ERMARD: variants seen among roughly 807,000 people sequenced by gnomAD.
The protein encoded by ERMARD is endoplasmic reticulum membrane-associated RNA degradation protein.
A neutral mutation model predicts 83.9 loss-of-function variants in ERMARD; 71 were observed. That is an observed-to-expected ratio of 0.85 (90% CI 0.70 to 1.03). The LOEUF is 1.03. ERMARD is among the 50% of genes least tolerant of loss of function. The pLI is 0.00. For missense variants in ERMARD, 838 were observed against 810.9 expected (o/e 1.03, Z -0.41); for synonymous variants, 284 against 298.6 (o/e 0.95, Z 0.50).
Position 169,776,058 on chromosome 6 carries a change from A to G in ERMARD, c.1513A>G (p.Thr505Ala), listed in dbSNP as rs113995515. The change falls in exon 15 of 18, where the codon ACT (threonine) becomes GCT (alanine). Residue 505 changes from threonine (T) to alanine (A), a missense_variant. Physicochemically the swap from Thr to Ala is moderately conservative, Grantham distance 58. Transcript: ENST00000366773. Reference sequence around the variant, plus strand: ...GTTAAAGGACTTGGATCGTCTTCCTACTGAGACGTAAGTTCCAGGACATCC... The same window carrying G: ...GTTAAAGGACTTGGATCGTCTTCCTGCTGAGACGTAAGTTCCAGGACATCC... ...CVLKDLDRLPTETWPQLLREL... is the reference protein window; with the variant it reads ...CVLKDLDRLPAETWPQLLREL... 2.6e-4 allele frequency: 424 copies of G among 1,613,572 alleles called. 2 individuals are homozygous for G. In the African/African-American group the frequency reaches 5.2e-3, roughly 20 times the overall value.
At chr6:169,769,149 A>G (rs928490234) in intron 11 of ERMARD, among the ~76,000 whole-genome samples, 51 of 152,370 alleles carry the variant, frequency 3.3e-4, no homozygotes, top group Middle Eastern at 3.4e-3. Context: ...TTTGTGTCGT[A>G]AGAAGCAACA....
At chr6:169,773,483 A>G in intron 13 of ERMARD, 81 bp downstream of exon 13, 2 of 1,412,096 alleles carry the variant, frequency 1.4e-6, no homozygotes, top group South Asian at 2.4e-5. Context: ...GGAAGGGTGC[A>G]GTTTGCTTGC....
intron 1 of ERMARD, 52 bp downstream of exon 1, chr6:169,751,715 G>C: frequency 2.6e-6 from 4 of 1,521,400 alleles, no homozygotes; most frequent in Non-Finnish European, 3.5e-6. Flanking sequence ...GGGAGTCGGC[G>C]CCAGGCTGGG....
intron 6 of ERMARD, among the ~76,000 whole-genome samples, chr6:169,759,307 C>T (rs952503570): frequency 1.3e-5 from 2 of 152,162 alleles, no homozygotes; most frequent in African/African-American, 2.4e-5. Context: ...ATGCCATTCA[C>T]GTCCTGGGTG....
chr6:169,775,836 C>T (rs1793522203), intron 14 of ERMARD, 104 bp from the exon 15 acceptor site: 2 of 1,370,188 alleles, frequency 1.5e-6, no homozygotes, highest in Non-Finnish European at 9.8e-7. Context: ...AAGTGAGATT[C>T]ACAGTCAGGT....
intron 17 of ERMARD, 79 bp from the exon 18 acceptor site, chr6:169,781,251 C>T: frequency 2.3e-6 from 3 of 1,309,612 alleles, no homozygotes; most frequent in South Asian, 1.5e-5. Flanking sequence ...GGAATAATTC[C>T]AAGAATGAAG....
At chr6:169,778,814 G>T (rs1413489490) in intron 16 of ERMARD, among the ~76,000 whole-genome samples, 2 of 152,248 alleles carry the variant, frequency 1.3e-5, no homozygotes, top group East Asian at 1.9e-4. Flanking sequence ...TTTCTCTGGT[G>T]AGAGTTCCTC....
chr6:169,781,054 C>T (rs185957939), intron 17 of ERMARD, among the ~76,000 whole-genome samples: 79 of 152,296 alleles, frequency 5.2e-4, no homozygotes, highest in African/African-American at 1.9e-3. Context: ...CCTGGAATGA[C>T]GGCCGTCATG....
chr6:169,761,047 T>C (rs548568344), intron 8 of ERMARD, among the ~76,000 whole-genome samples: 1 of 152,292 alleles, frequency 6.6e-6, no homozygotes, highest in South Asian at 2.1e-4. Flanking sequence ...TCATGAAACA[T>C]AGATAAGCCA....
chr6:169,769,674 A>G lies in ERMARD; in HGVS notation c.1194A>G (p.Leu398=). 6.2e-7 allele frequency: 1 copy of G among 1,610,538 alleles called. No homozygotes were observed. The highest frequency in any genetic ancestry group is 8.5e-7 in the Non-Finnish European group (1 of 1,178,510). ...TGCTTGCATTTTCTCTTGTACTGCTACTCAGATTCGTTGATGACTGTCTGC... is the reference window on the plus strand; with the variant it reads ...TGCTTGCATTTTCTCTTGTACTGCTGCTCAGATTCGTTGATGACTGTCTGC... The part of the protein sequence containing the change: ...NQLLAFSLVL[L]LRFVDDCLLS... Residue 398 remains leucine, a synonymous_variant, in exon 12 of 18, where the codon CTA becomes CTG. Transcript: ENST00000366773.
At chr6:169,758,891 C>A in intron 5 of ERMARD, 77 bp from the exon 6 acceptor site, 2 of 1,339,342 alleles carry the variant, frequency 1.5e-6, no homozygotes, top group African/African-American at 1.5e-5. Flanking sequence ...AAAAGAGGAA[C>A]ACAAATGTTA....
In ERMARD at chr6:169,775,353, G is replaced by A. The variant is rs1585415179; in HGVS notation, c.1394+7G>A. ...TCACTCGGCAAGCCGTCAGGTGCGTGGCATCCTGGGGCCTGGCTGACCTCA... is the reference window on the plus strand; with the variant it reads ...TCACTCGGCAAGCCGTCAGGTGCGTAGCATCCTGGGGCCTGGCTGACCTCA... On this transcript the variant is annotated splice_region_variant and intron_variant, in intron 14 of 17. Coordinates refer to ENST00000366773, the MANE Select transcript of ERMARD (RefSeq NM_018341.3). 1.2e-6 allele frequency: 2 copies of A among 1,613,964 alleles called. No individual in the cohort carries two copies. Among genetic ancestry groups the A allele is most frequent in the Non-Finnish European group, 1.7e-6 (2 of 1,179,882 alleles).
chr6:169,775,454 A>G (rs955864635), intron 14 of ERMARD, 108 bp downstream of exon 14: 9 of 1,257,210 alleles, frequency 7.2e-6, no homozygotes, highest in African/African-American at 3.0e-5. Context: ...GGGAAGGAGG[A>G]ATTTCTGGGC....
intron 9 of ERMARD, among the ~76,000 whole-genome samples, chr6:169,763,797 C>T (rs1031950928): frequency 6.6e-6 from 1 of 152,232 alleles, no homozygotes; most frequent in African/African-American, 2.4e-5. Flanking sequence ...TGAAACCCAA[C>T]ACATGGAAGT....
chr6:169,753,959 C>G lies in ERMARD; in HGVS notation c.102C>G (p.Ile34Met). 1.2e-6 allele frequency: 2 copies of G among 1,613,468 alleles called. No homozygotes were observed. The highest frequency in any genetic ancestry group is 1.7e-6 in the Non-Finnish European group (2 of 1,179,590). The change falls in exon 2 of 18, where the codon ATC (isoleucine) becomes ATG (methionine). Residue 34 changes from isoleucine to methionine, a missense_variant. By Grantham distance (10) the Ile-to-Met change is conservative. Coordinates refer to ENST00000366773, the MANE Select transcript of ERMARD (RefSeq NM_018341.3). ...LGFQLRENCD[I>M]NSIVTQNGEV... ...TTCAACTCAGAGAAAATTGTGATAT[C>G]AATAGCATTGTAACTCAGAATGGTG... is the stretch of plus-strand genomic sequence containing the variant.
intron 11 of ERMARD, among the ~76,000 whole-genome samples, chr6:169,768,449 T>C (rs977091750): frequency 3.9e-5 from 6 of 152,202 alleles, no homozygotes; most frequent in Admixed American, 2.6e-4. Context: ...CGGACATATA[T>C]TTGTGCCTTG....
chr6:169,754,885 C>T (rs192879366), intron 2 of ERMARD, among the ~76,000 whole-genome samples: 1 of 151,882 alleles, frequency 6.6e-6, no homozygotes, highest in African/African-American at 2.4e-5. Context: ...AGCCTAATAA[C>T]GTTAACGTAA....
At chr6:169,768,285 A>G in intron 11 of ERMARD, 114 bp downstream of exon 11, 1 of 899,194 alleles carries the variant, frequency 1.1e-6, no homozygotes, top group South Asian at 1.6e-5. Flanking sequence ...ATACTTCTGA[A>G]ACATTGCTGT....
chr6:169,766,508 T>C (rs1188629796), intron 9 of ERMARD, 130 bp from the exon 10 acceptor site: 2 of 622,700 alleles, frequency 3.2e-6, no homozygotes, highest in African/African-American at 1.9e-5. Flanking sequence ...TGTTTCTAGA[T>C]GAATGTTTGT....
Sources: allele counts gnomAD v4.1 joint callset (sites outside exome capture counted in the v4.1 genomes callset), GRCh38; gene constraint gnomAD v4.1.1; transcripts MANE v1.5; gene names NCBI Gene and HGNC (gene_info 2026-07-23, HGNC 2026-07-21).